HIBCH: variants seen among roughly 807,000 people sequenced by gnomAD.
The protein encoded by HIBCH is 3-hydroxyisobutyryl-CoA hydrolase, also known as 3-hydroxyisobutyryl-CoA hydrolase, mitochondrial.
In HIBCH, 50 loss-of-function variants were observed where a neutral mutation model predicts 58.2. The observed-to-expected ratio is 0.86, with a 90% CI of 0.68 to 1.09. HIBCH has a LOEUF of 1.09. HIBCH is among the 50% of genes least tolerant of loss of function. HIBCH has a pLI of 0.00. For synonymous variants in HIBCH, 151 were observed against 146.9 expected, an observed-to-expected ratio of 1.03 and a Z score of -0.20; for missense variants, 450 against 449.7, an observed-to-expected ratio of 1.00 and a Z score of -0.01.
intron 2 of HIBCH, among the ~76,000 whole-genome samples, chr2:190,302,295 G>A (rs59498031): frequency 0.01 from 1,562 of 152,292 alleles, 30 homozygotes; most frequent in African/African-American, 0.035. Context: ...TACAGGAGGG[G>A]CTATGAATAT....
In HIBCH at chr2:190,306,752, G is replaced by C. The variant is rs146602133; in HGVS notation, c.78+4002C>G. 4.6e-5 allele frequency among the ~76,000 whole-genome samples: 7 copies of C among 152,160 alleles called. No homozygotes were observed. The highest frequency in any genetic ancestry group is 3.9e-4 in the Admixed American group (6 of 15,272). On this transcript the variant is annotated intron_variant, in intron 2 of 13. Transcript: ENST00000359678. This position sits in a 1 kb window ranked among gnomAD's most constrained non-coding sequence, Gnocchi z 4.6. ...GAATGCTTGCATCCTTCCAAAATTT[G>C]TATGTTGAAATCCTAACCTCCAAGG...
intron 12 of HIBCH, among the ~76,000 whole-genome samples, chr2:190,212,236 G>A (rs992264252): frequency 1.3e-5 from 2 of 152,106 alleles, no homozygotes; most frequent in Non-Finnish European, 2.9e-5. Flanking sequence ...GGCTAACAGA[G>A]TTATTTCTAA....
chr2:190,225,931 T>C (rs1423942233), intron 11 of HIBCH, among the ~76,000 whole-genome samples: 2 of 152,202 alleles, frequency 1.3e-5, no homozygotes, highest in African/African-American at 2.4e-5. Context: ...CATGATCAAG[T>C]TGGCTTCATC....
chr2:190,287,695 C>A, intron 5 of HIBCH, 57 bp from the exon 6 acceptor site: 1 of 1,308,908 alleles, frequency 7.6e-7, no homozygotes, highest in South Asian at 1.3e-5. Context: ...TTCCCTTTTT[C>A]TTAAAAAAAA....
chr2:190,241,158 G>A (rs1352176594), intron 11 of HIBCH, among the ~76,000 whole-genome samples: 1 of 152,306 alleles, frequency 6.6e-6, no homozygotes, highest in African/African-American at 2.4e-5. Flanking sequence ...GGGTGCTCCT[G>A]TATTGGTGAA....
At chr2:190,319,099 T>C (rs1056717306) in intron 1 of HIBCH, among the ~76,000 whole-genome samples, 1 of 152,206 alleles carries the variant, frequency 6.6e-6, no homozygotes, top group African/African-American at 2.4e-5. Flanking sequence ...CAGTGGGCTG[T>C]TTAAGGCGCA....
At chr2:190,212,456 T>C (rs1473952429) in intron 12 of HIBCH, among the ~76,000 whole-genome samples, 4 of 152,192 alleles carry the variant, frequency 2.6e-5, no homozygotes, top group Non-Finnish European at 5.9e-5. Flanking sequence ...ATATGAGATG[T>C]TTCATGAAAT....
intron 12 of HIBCH, among the ~76,000 whole-genome samples, chr2:190,212,484 A>G (rs1400690167): frequency 6.6e-6 from 1 of 152,220 alleles, no homozygotes; most frequent in East Asian, 1.9e-4. Flanking sequence ...CTATGTGATT[A>G]TTGTCCACTT....
chr2:190,252,918 G>GT lies in HIBCH; in HGVS notation c.518-612dup, dbSNP rs139264050. On this transcript the variant is annotated intron_variant, in intron 7 of 13. Coordinates refer to ENST00000359678, the MANE Select transcript of HIBCH (RefSeq NM_014362.4). ...AAAATAGCATATAAGGCTAGGCGCG[G>GT]TGGCTCACACCTGTAATCTCAGCAC... Among the ~76,000 whole-genome samples the GT allele has an allele frequency of 6.0e-3, 910 of 152,256 alleles. 5 individuals carry two copies. The highest frequency in any genetic ancestry group is 0.021 in the African/African-American group (862 of 41,550).
In HIBCH at chr2:190,220,539, G is replaced by T. The variant is rs536990805; in HGVS notation, c.892-7464C>A. 2.6e-5 allele frequency: 4 copies of T among 152,030 alleles called. No individual in the cohort carries two copies. In the South Asian group the frequency reaches 8.3e-4, roughly 32 times the overall value. 9.4% of individuals were successfully genotyped at this position (152,030 alleles called of 1,614,324 possible). On this transcript the variant is annotated intron_variant, in intron 11 of 13. Coordinates refer to ENST00000359678, the MANE Select transcript of HIBCH (RefSeq NM_014362.4). ...ATGATTAAGGGCACTGATAAAACTG[G>T]TTCTTCATGGGAACTCATTCTTTGC...
chr2:190,246,125 A>C, intron 10 of HIBCH, 29 bp downstream of exon 10: 2 of 1,247,204 alleles, frequency 1.6e-6, no homozygotes, highest in African/African-American at 1.5e-5. Context: ...TTCTAAAGGA[A>C]TATATAACTG....
chr2:190,240,335 C>T (rs572297296), intron 11 of HIBCH, among the ~76,000 whole-genome samples: 2 of 152,228 alleles, frequency 1.3e-5, no homozygotes, highest in East Asian at 1.9e-4. Context: ...TCTGTGGGAT[C>T]GGTGGTGATA....
intron 1 of HIBCH, among the ~76,000 whole-genome samples, chr2:190,193,790 T>C (rs1689832020): frequency 6.6e-6 from 1 of 152,180 alleles, no homozygotes; most frequent in African/African-American, 2.4e-5. Context: ...CTCTATCGTA[T>C]GCTTCACTGA....
rs149340650 is a variant in HIBCH at position 190,249,364 on chromosome 2, T to G, written c.750+276A>C. 7.9e-3 allele frequency among the ~76,000 whole-genome samples: 1,205 copies of G among 152,274 alleles called. 6 individuals are homozygous for G. Among genetic ancestry groups the G allele is most frequent in the Admixed American group, 0.011 (171 of 15,292 alleles). ...TAACATTGAACACCGTTTACAGAAA[T>G]GCCAAAACCCTTGCAAAGAATGATC... is the stretch of plus-strand genomic sequence containing the variant. On this transcript the variant is annotated intron_variant, in intron 9 of 13. Transcript: ENST00000359678.
chr2:190,275,630 T>C (rs1216783848), intron 6 of HIBCH, among the ~76,000 whole-genome samples: 1 of 152,186 alleles, frequency 6.6e-6, no homozygotes, highest in Non-Finnish European at 1.5e-5. Context: ...GTAAAATCAC[T>C]GGTGAGTTGT....
chr2:190,215,680 G>C lies in HIBCH; in HGVS notation c.892-2605C>G, dbSNP rs1024513854. ...CTCAGAAGGTTTCTGTAAGAAGAAA[G>C]GGGGAAACATCGATGAAAAGAAAGG... On this transcript the variant is annotated intron_variant, in intron 11 of 13. Coordinates refer to ENST00000359678, the MANE Select transcript of HIBCH (RefSeq NM_014362.4). The surrounding 1 kb of genome is among the most constrained non-coding windows in gnomAD (Gnocchi z 4.4). 1.3e-5 allele frequency: 2 copies of C among 152,198 alleles called. No individual in the cohort carries two copies. The allele number at this position is 152,198 out of a possible 1,614,324, so 9.4% of individuals were successfully genotyped here. A position where few individuals can be genotyped will look rare whatever the true frequency, so the allele number is the denominator to read the frequency against.
chr2:190,229,535 C>T (rs960149170), intron 11 of HIBCH, among the ~76,000 whole-genome samples: 14 of 152,128 alleles, frequency 9.2e-5, no homozygotes, highest in Non-Finnish European at 1.5e-4. Flanking sequence ...AAAATACCAT[C>T]AAGAAAAAAG....
chr2:190,222,927 A>G (rs1275638035), intron 11 of HIBCH, among the ~76,000 whole-genome samples: 1 of 152,248 alleles, frequency 6.6e-6, no homozygotes, highest in Non-Finnish European at 1.5e-5. Context: ...TACACCATGG[A>G]ATACTATGCA....
downstream of HIBCH, among the ~76,000 whole-genome samples, chr2:190,199,505 T>C (rs1328283418): frequency 6.6e-6 from 1 of 152,190 alleles, no homozygotes. Context: ...TGAAAAAAAG[T>C]TTTCCTATTT....
Sources: allele counts gnomAD v4.1 joint callset (sites outside exome capture counted in the v4.1 genomes callset), GRCh38; gene constraint gnomAD v4.1.1; non-coding constraint Gnocchi (gnomAD v3.1); transcripts MANE v1.5; gene names NCBI Gene and HGNC (gene_info 2026-07-23, HGNC 2026-07-21).